The following ZMYM2 variants were observed in gnomAD, a reference collection of about 807,000 sequenced individuals.
The protein encoded by ZMYM2 is zinc finger MYM-type containing 2, also known as zinc finger MYM-type protein 2.
In ZMYM2, 56 loss-of-function variants were observed where a neutral mutation model predicts 162.8. That is an observed-to-expected ratio of 0.34 (90% CI 0.28 to 0.43). The LOEUF is 0.43. Among genes scored for constraint, ZMYM2 ranks in the 20% least tolerant of loss-of-function variants. ZMYM2 has a pLI of 1.00. For synonymous variants in ZMYM2, 510 were observed against 541.6 expected, an observed-to-expected ratio of 0.94 and a Z score of 0.81; for missense variants, 1,275 against 1,621.8, an observed-to-expected ratio of 0.79 and a Z score of 3.67.
chr13:19,884,102 G>A, the ZMYM2 span, among the ~76,000 whole-genome samples: 1 of 152,160 alleles, frequency 6.6e-6, no homozygotes, highest in African/African-American at 2.4e-5. Flanking sequence ...AGGGTAAACT[G>A]GCACAAGCCT....
rs1224713093 is a variant in ZMYM2 at position 20,083,817 on chromosome 13, A to G, written c.3941+41A>G. 2.5e-6 allele frequency: 4 copies of G among 1,574,140 alleles called. No individual in the cohort carries two copies. The East Asian group carries it at 9.0e-5, about 36-fold the overall frequency. On this transcript the variant is annotated intron_variant, in intron 24 of 24. Coordinates refer to ENST00000610343, the MANE Select transcript of ZMYM2 (RefSeq NM_197968.4). ...ACTTAACTTTTAAAAATGTTGGTAG[A>G]AGTTGGCTGGTTTAAATTTAACATT... is the stretch of plus-strand genomic sequence containing the variant.
At chr13:19,948,016 A>T in the ZMYM2 span, among the ~76,000 whole-genome samples, 2,720 of 147,680 alleles carry the variant, frequency 0.018, 64 homozygotes, top group African/African-American at 0.051. Flanking sequence ...AAAAAAAAAA[A>T]GTTACATCAA....
chr13:20,056,775 G>A (rs983712692), intron 14 of ZMYM2, among the ~76,000 whole-genome samples: 1 of 152,184 alleles, frequency 6.6e-6, no homozygotes, highest in Non-Finnish European at 1.5e-5. Flanking sequence ...ATATCAGAAT[G>A]GAATTCTGTC....
chr13:20,005,588 C>T (rs866233435), intron 5 of ZMYM2, among the ~76,000 whole-genome samples: 1 of 152,072 alleles, frequency 6.6e-6, no homozygotes, highest in African/African-American at 2.4e-5. Context: ...ACAAGAAATA[C>T]TACAAATAAT....
chr13:20,080,398 A>G (rs1329765650), intron 21 of ZMYM2, among the ~76,000 whole-genome samples: 2 of 151,482 alleles, frequency 1.3e-5, no homozygotes, highest in Non-Finnish European at 2.9e-5. Flanking sequence ...TTTACTTTTC[A>G]CTTATCTGTT....
chr13:20,041,619 G>A (rs1400964852), intron 12 of ZMYM2, among the ~76,000 whole-genome samples: 1 of 152,160 alleles, frequency 6.6e-6, no homozygotes, highest in African/African-American at 2.4e-5. Flanking sequence ...TTGCAGACTT[G>A]TTTATGTGGT....
At chr13:20,019,931 C>T (rs1414762463) in intron 7 of ZMYM2, 4 of 179,876 alleles carry the variant, frequency 2.2e-5, no homozygotes, top group East Asian at 2.7e-4. Context: ...AAAATCCTCT[C>T]TTTTGTGCCT....
chr13:19,993,611 C>T lies in ZMYM2; in HGVS notation c.539C>T (p.Ser180Phe). 1.2e-6 allele frequency: 2 copies of T among 1,614,164 alleles called. No homozygotes were observed. Among genetic ancestry groups the T allele is most frequent in the Non-Finnish European group, 1.7e-6 (2 of 1,180,012 alleles). ...AGTGGTATCACCACAGAACCAGACTCTGAAATTCAGATTGCTAATGTTACA... is the reference window on the plus strand; with the variant it reads ...AGTGGTATCACCACAGAACCAGACTTTGAAATTCAGATTGCTAATGTTACA... ...GNSGITTEPD[S>F]EIQIANVTTL... Residue 180 changes from serine (S) to phenylalanine (F), a missense_variant, in exon 3 of 25, where the codon TCT (serine) becomes TTT (phenylalanine). Physicochemically the swap from Ser to Phe is radical, Grantham distance 155. This residue lies in a region of ZMYM2 where 295 missense variants were observed against 286.7 expected (regional missense o/e 1.03). Transcript: ENST00000610343.
chr13:19,940,109 T>A, the ZMYM2 span, among the ~76,000 whole-genome samples: 1 of 152,226 alleles, frequency 6.6e-6, no homozygotes, highest in African/African-American at 2.4e-5. Flanking sequence ...TAGAATGATA[T>A]TTCATTAATA....
the ZMYM2 span, among the ~76,000 whole-genome samples, chr13:19,893,687 T>C: frequency 1.3e-5 from 2 of 151,310 alleles, 1 homozygote; most frequent in African/African-American, 4.9e-5. Flanking sequence ...TTGCAGTGAG[T>C]CAAGATGACA....
chr13:20,059,606 A>G (rs988460780), intron 16 of ZMYM2, 44 bp downstream of exon 16: 2 of 900,646 alleles, frequency 2.2e-6, no homozygotes, highest in Non-Finnish European at 3.8e-6. Flanking sequence ...GATTTAGCAG[A>G]CACAGTTGGG....
the ZMYM2 span, among the ~76,000 whole-genome samples, chr13:19,924,903 G>C: frequency 4.2e-5 from 6 of 142,902 alleles, no homozygotes; most frequent in Middle Eastern, 3.6e-3. Flanking sequence ...TTTGTTTTGA[G>C]ATGGAGTTTT....
intron 19 of ZMYM2, 180 bp from the exon 20 acceptor site, chr13:20,066,671 A>G (rs899664813): frequency 2.1e-5 from 10 of 468,904 alleles, no homozygotes; most frequent in Admixed American, 8.1e-5. Flanking sequence ...GAAGAGGTAG[A>G]AGGAGGTTGG....
At chr13:19,958,398 A>G (rs2138976613), upstream of ZMYM2, among the ~76,000 whole-genome samples, 1 of 151,634 alleles carries the variant, frequency 6.6e-6, no homozygotes, top group South Asian at 2.1e-4. Flanking sequence ...GGCCCCGAGG[A>G]GCCGAAGCGG....
intron 21 of ZMYM2, among the ~76,000 whole-genome samples, chr13:20,080,449 G>A (rs978144522): frequency 6.6e-6 from 1 of 150,408 alleles, no homozygotes; most frequent in African/African-American, 2.4e-5. Flanking sequence ...GCATATTGTC[G>A]AACCTTGCCT....
At chr13:19,878,714 G>T in the ZMYM2 span, among the ~76,000 whole-genome samples, 1 of 152,010 alleles carries the variant, frequency 6.6e-6, no homozygotes, top group African/African-American at 2.4e-5. Context: ...TAGAGACGGG[G>T]TTTCACCATG....
intron 9 of ZMYM2, among the ~76,000 whole-genome samples, chr13:20,030,232 C>CTT (rs772819839): frequency 6.4e-5 from 9 of 140,698 alleles, no homozygotes; most frequent in South Asian, 2.3e-4. Context: ...TTCTTTTCCT[C>CTT]TTTTTTTTTT....
chr13:19,902,843 G>A, the ZMYM2 span, among the ~76,000 whole-genome samples: 8,584 of 151,742 alleles, frequency 0.057, 425 homozygotes, highest in African/African-American at 0.14. Flanking sequence ...GGGAGACATC[G>A]TCTCTACAGA....
intron 2 of ZMYM2, among the ~76,000 whole-genome samples, chr13:19,978,677 A>G (rs929518339): frequency 6.6e-6 from 1 of 152,214 alleles, no homozygotes; most frequent in African/African-American, 2.4e-5. Flanking sequence ...GGCCTCCCAA[A>G]GTGCTGGGAT....
Sources: allele counts gnomAD v4.1 joint callset (sites outside exome capture counted in the v4.1 genomes callset), GRCh38; gene constraint gnomAD v4.1.1; regional missense constraint gnomAD v4.1.1; transcripts MANE v1.5; gene names NCBI Gene and HGNC (gene_info 2026-07-23, HGNC 2026-07-21).